Variants in CPNE4 observed in about 807,000 individuals in gnomAD.
CPNE4 encodes the protein copine-4.
In CPNE4, 25 loss-of-function variants were observed where a neutral mutation model predicts 67.9. The ratio of observed to expected loss-of-function variants is 0.37; its 90% CI spans 0.27 to 0.51. The LOEUF (loss-of-function observed/expected upper bound fraction) is 0.51, where lower values mean the gene tolerates loss of function less well. CPNE4 is among the 20% of genes least tolerant of loss of function. The pLI is 0.93. For missense variants in CPNE4, 464 were observed against 690.8 expected (o/e 0.67, Z 3.68); for synonymous variants, 242 against 244.9 (o/e 0.99, Z 0.11).
At chr3:131,802,177 G>C (rs145503007) in intron 2 of CPNE4, among the ~76,000 whole-genome samples, 1 of 152,130 alleles carries the variant, frequency 6.6e-6, no homozygotes, top group African/African-American at 2.4e-5. Flanking sequence ...ATTTGAGGCC[G>C]TAGAAATATG....
chr3:131,998,824 C>T (rs1193405955), intron 1 of CPNE4, among the ~76,000 whole-genome samples: 1 of 152,062 alleles, frequency 6.6e-6, no homozygotes, highest in Non-Finnish European at 1.5e-5. Flanking sequence ...TGCTATTTTT[C>T]ACCACAGAAT....
rs1341893979 is a variant in CPNE4, at chr3:131,579,056, GAGA to G, written c.867+2520_867+2522del. 2.6e-5 allele frequency among the ~76,000 whole-genome samples: 4 copies of G among 152,336 alleles called. No individual in the cohort carries two copies. The East Asian group carries it at 5.8e-4, about 22-fold the overall frequency. ...TGCCATCAGGACTTTCCTGGCTAGAGAGAAGAAGTCACTGCCTGGCTTCAAATC... is the reference window on the plus strand; with the variant it reads ...TGCCATCAGGACTTTCCTGGCTAGAGAGAAGTCACTGCCTGGCTTCAAATC... On this transcript the variant is annotated intron_variant, in intron 9 of 15. Coordinates refer to ENST00000429747, the MANE Select transcript of CPNE4 (RefSeq NM_130808.3).
intron 6 of CPNE4, among the ~76,000 whole-genome samples, chr3:131,672,418 A>G (rs1211070497): frequency 6.6e-6 from 1 of 152,136 alleles, no homozygotes; most frequent in African/African-American, 2.4e-5. Context: ...TATTCTCCAC[A>G]ATGATTATAC....
chr3:131,704,133 A>C (rs140135027), intron 3 of CPNE4, among the ~76,000 whole-genome samples: 38 of 152,312 alleles, frequency 2.5e-4, no homozygotes, highest in African/African-American at 8.4e-4. Context: ...AGGACCAACC[A>C]CTACGGAGAA....
intron 2 of CPNE4, among the ~76,000 whole-genome samples, chr3:131,751,782 TG>T (rs1272063713): frequency 2.4e-4 from 23 of 96,886 alleles, no homozygotes; most frequent in East Asian, 1.0e-3. Flanking sequence ...TTTGTTTTTT[TG>T]TTTGTTTGTT....
intron 1 of CPNE4, among the ~76,000 whole-genome samples, chr3:131,910,623 G>A (rs1216260395): frequency 6.6e-6 from 1 of 152,166 alleles, no homozygotes; most frequent in African/African-American, 2.4e-5. Flanking sequence ...ATGTGAGAAA[G>A]TCATGCTAGG....
chr3:131,674,749 T>C (rs2080516586), intron 6 of CPNE4, among the ~76,000 whole-genome samples: 1 of 151,914 alleles, frequency 6.6e-6, no homozygotes, highest in African/African-American at 2.4e-5. Flanking sequence ...TCTTTATCTT[T>C]TCAAAAAACT....
intron 7 of CPNE4, among the ~76,000 whole-genome samples, chr3:131,601,280 T>C (rs1939190709): frequency 6.6e-6 from 1 of 152,174 alleles, no homozygotes; most frequent in Non-Finnish European, 1.5e-5. Context: ...AGCACACATA[T>C]ACACACACAC....
At chr3:131,792,747 A>ATATATACACACGTGTGTATATATG (rs2083802102) in intron 2 of CPNE4, among the ~76,000 whole-genome samples, 2 of 137,194 alleles carry the variant, frequency 1.5e-5, no homozygotes. Context: ...GTATATATGT[A>ATATATACACACGTGTGTATATATG]TATATATACA....
At chr3:131,955,890 T>TA (rs1382355556) in intron 1 of CPNE4, among the ~76,000 whole-genome samples, 1 of 152,142 alleles carries the variant, frequency 6.6e-6, no homozygotes, top group Non-Finnish European at 1.5e-5. Flanking sequence ...GTCAACATTA[T>TA]AATCTGTGCA....
chr3:132,010,028 C>A (rs941006865), intron 1 of CPNE4, among the ~76,000 whole-genome samples: 1 of 152,204 alleles, frequency 6.6e-6, no homozygotes, highest in Admixed American at 6.5e-5. Flanking sequence ...AGCCTCATTG[C>A]ACTAGCAATT....
chr3:131,674,829 T>C (rs1251112123), intron 6 of CPNE4, among the ~76,000 whole-genome samples: 1 of 152,002 alleles, frequency 6.6e-6, no homozygotes, highest in Non-Finnish European at 1.5e-5. Flanking sequence ...ATATAATCAT[T>C]ATTATTTAGT....
At chr3:131,874,538 C>G (rs548128252) in intron 2 of CPNE4, among the ~76,000 whole-genome samples, 1 of 152,268 alleles carries the variant, frequency 6.6e-6, no homozygotes, top group African/African-American at 2.4e-5. Flanking sequence ...CACAAGGTCT[C>G]TAAGTTTTGG....
chr3:131,859,001 T>A (rs921246490), intron 2 of CPNE4, among the ~76,000 whole-genome samples: 9 of 152,188 alleles, frequency 5.9e-5, no homozygotes, highest in African/African-American at 1.9e-4. Context: ...GTATTAAAGT[T>A]GAGAATCACT....
rs2081853169 is a variant in CPNE4, at chr3:131,720,447, G to A, written c.360+2999C>T. The stretch of plus-strand genomic sequence containing the variant: ...CTACAGGCATGCACCACCACGCCCA[G>A]CTAATTTTTTGCATTTTTAGTAGAG... On this transcript the variant is annotated intron_variant, in intron 3 of 15. Coordinates refer to ENST00000429747, the MANE Select transcript of CPNE4 (RefSeq NM_130808.3). Among the ~76,000 whole-genome samples the A allele has an allele frequency of 2.0e-5, 3 of 151,988 alleles. No individual in the cohort carries two copies. In the South Asian group the frequency reaches 6.2e-4, roughly 32 times the overall value.
intron 15 of CPNE4, among the ~76,000 whole-genome samples, chr3:131,541,739 C>T (rs1462346371): frequency 4.6e-5 from 7 of 151,498 alleles, no homozygotes; most frequent in South Asian, 2.1e-4. Flanking sequence ...GGTGTGATCT[C>T]GGCTCACTGC....
intron 15 of CPNE4, among the ~76,000 whole-genome samples, chr3:131,536,345 T>G (rs1409713799): frequency 6.6e-6 from 1 of 152,228 alleles, no homozygotes; most frequent in Non-Finnish European, 1.5e-5. Flanking sequence ...CATGTAGAGC[T>G]GGGCTTTACT....
At chr3:132,002,887 C>A (rs115550214) in intron 1 of CPNE4, among the ~76,000 whole-genome samples, 1,558 of 152,180 alleles carry the variant, frequency 0.01, 29 homozygotes, top group African/African-American at 0.035. Context: ...ATGAAGACAA[C>A]AGCTGTCAGT....
intron 2 of CPNE4, among the ~76,000 whole-genome samples, chr3:131,770,520 G>C (rs916565576): frequency 1.3e-5 from 2 of 152,208 alleles, no homozygotes; most frequent in African/African-American, 4.8e-5. Context: ...CTAGCAACCA[G>C]GGGAGACAAG....
Sources: allele counts gnomAD v4.1 joint callset (sites outside exome capture counted in the v4.1 genomes callset), GRCh38; gene constraint gnomAD v4.1.1; transcripts MANE v1.5; gene names NCBI Gene and HGNC (gene_info 2026-07-23, HGNC 2026-07-21).